Variants in SGCD observed in about 807,000 individuals in gnomAD.
SGCD encodes sarcoglycan delta, also known as delta-sarcoglycan.
A neutral mutation model predicts 36.6 loss-of-function variants in SGCD; 18 were observed. That is an observed-to-expected ratio of 0.49 (90% confidence interval 0.34 to 0.73). SGCD has a LOEUF of 0.73. SGCD is among the 30% of genes least tolerant of loss of function. SGCD has a pLI of 0.01. For missense variants in SGCD, 387 were observed against 346.7 expected, an observed-to-expected ratio of 1.12 and a Z score of -0.92; for synonymous variants, 133 against 130.6, an observed-to-expected ratio of 1.02 and a Z score of -0.12.
At chr5:156,173,075 C>T (rs1327370334) in intron 3 of SGCD, among the ~76,000 whole-genome samples, 1 of 151,650 alleles carries the variant, frequency 6.6e-6, no homozygotes, top group Non-Finnish European at 1.5e-5. Flanking sequence ...ATTTTAGTAG[C>T]CCATTAACTA....
chr5:155,989,000 A>T (rs1758383957), intron 1 of SGCD, among the ~76,000 whole-genome samples: 1 of 152,212 alleles, frequency 6.6e-6, no homozygotes, highest in African/African-American at 2.4e-5. Flanking sequence ...AGATGTAAGA[A>T]TATCAAGTAT....
intron 7 of SGCD, among the ~76,000 whole-genome samples, chr5:156,719,009 C>A (rs1009410836): frequency 3.9e-5 from 6 of 152,048 alleles, no homozygotes; most frequent in Non-Finnish European, 7.4e-5. Context: ...GATGTCACAG[C>A]CCCAGGGCCA....
chr5:156,550,418 G>A (rs1354948482), intron 4 of SGCD, among the ~76,000 whole-genome samples: 9 of 152,324 alleles, frequency 5.9e-5, no homozygotes, highest in African/African-American at 2.2e-4. Context: ...GCGATAAGCT[G>A]TAGGATGGTC....
chr5:156,440,382 G>A (rs984870516), intron 3 of SGCD, among the ~76,000 whole-genome samples: 2 of 152,054 alleles, frequency 1.3e-5, no homozygotes, highest in Non-Finnish European at 2.9e-5. Context: ...GGGCATTTGG[G>A]TTGTTTCTGC....
intron 3 of SGCD, among the ~76,000 whole-genome samples, chr5:156,202,836 T>A (rs1476915113): frequency 6.7e-6 from 1 of 149,410 alleles, no homozygotes; most frequent in Non-Finnish European, 1.5e-5. Context: ...GACAGGGAGG[T>A]ACCCTGTTTC....
At chr5:156,466,049 G>C (rs1217881658) in intron 3 of SGCD, among the ~76,000 whole-genome samples, 1 of 152,128 alleles carries the variant, frequency 6.6e-6, no homozygotes, top group African/African-American at 2.4e-5. Flanking sequence ...TCTCATTTCT[G>C]TGCAGCCTCC....
chr5:156,417,195 C>T (rs1386830441), intron 3 of SGCD, among the ~76,000 whole-genome samples: 1 of 152,190 alleles, frequency 6.6e-6, no homozygotes, highest in Non-Finnish European at 1.5e-5. Flanking sequence ...TTTTTCATCT[C>T]ATTCCCCAAG....
intron 1 of SGCD, among the ~76,000 whole-genome samples, chr5:156,025,351 AG>A (rs905811553): frequency 2.6e-5 from 4 of 152,212 alleles, no homozygotes; most frequent in Admixed American, 2.6e-4. Context: ...ACTAATGACA[AG>A]GGCTGAGAAT....
chr5:156,358,017 A>T (rs1446450989), intron 3 of SGCD, among the ~76,000 whole-genome samples: 1 of 152,240 alleles, frequency 6.6e-6, no homozygotes, highest in Non-Finnish European at 1.5e-5. Flanking sequence ...TCCCTTAGCT[A>T]ATCATCCAGT....
intron 4 of SGCD, among the ~76,000 whole-genome samples, chr5:156,534,095 C>T (rs888682584): frequency 1.3e-5 from 2 of 151,734 alleles, no homozygotes; most frequent in African/African-American, 4.8e-5. Flanking sequence ...TAGGGAATAA[C>T]TAAGAGTTTT....
chr5:156,180,350 A>T (rs896536524), intron 3 of SGCD, among the ~76,000 whole-genome samples: 1 of 152,152 alleles, frequency 6.6e-6, no homozygotes, highest in African/African-American at 2.4e-5. Flanking sequence ...TGTGCTGTTG[A>T]TCATAGCCAG....
chr5:156,407,471 G>A (rs1026919685), intron 3 of SGCD, among the ~76,000 whole-genome samples: 13 of 152,040 alleles, frequency 8.6e-5, no homozygotes, highest in East Asian at 1.9e-4. Flanking sequence ...GGGGATCATC[G>A]TCTCTTCATC....
chr5:156,458,013 C>G (rs1340942601), intron 3 of SGCD, among the ~76,000 whole-genome samples: 3 of 152,134 alleles, frequency 2.0e-5, no homozygotes, highest in Admixed American at 2.0e-4. Context: ...GCCTACAAAC[C>G]ACACTGTGCC....
At chr5:156,597,079 T>A (rs1202117357) in intron 6 of SGCD, among the ~76,000 whole-genome samples, 1 of 152,204 alleles carries the variant, frequency 6.6e-6, no homozygotes, top group East Asian at 1.9e-4. Flanking sequence ...GTCAGTGGTT[T>A]ATGTGTGGCA....
At chr5:156,144,227 A>G (rs1762652866) in intron 3 of SGCD, among the ~76,000 whole-genome samples, 2 of 152,060 alleles carry the variant, frequency 1.3e-5, no homozygotes, top group South Asian at 2.1e-4. Context: ...TAGCAGCATG[A>G]TTTATAATCC....
the SGCD span, among the ~76,000 whole-genome samples, chr5:155,824,776 G>T: frequency 7.2e-5 from 11 of 152,114 alleles, no homozygotes; most frequent in Non-Finnish European, 1.3e-4. Context: ...ACATACACAG[G>T]CTTCGTTGTT....
chr5:156,518,126 A>C lies in SGCD; in HGVS notation c.294+9424A>C, dbSNP rs181060566. Among the ~76,000 whole-genome samples, 3 of 152,352 alleles carry C rather than the reference A, an allele frequency of 2.0e-5. No homozygotes were observed. The East Asian group carries it at 5.8e-4, about 29-fold the overall frequency. On this transcript the variant is annotated intron_variant, in intron 4 of 8. Transcript: ENST00000337851. ...CGTGCAAAGACACACAAAGGCTAAA[A>C]ATAAAGTAATGGAGGAAAATTTACC...
At chr5:156,567,364 G>A (rs1362432881) in intron 4 of SGCD, among the ~76,000 whole-genome samples, 1 of 142,414 alleles carries the variant, frequency 7.0e-6, no homozygotes, top group Non-Finnish European at 1.5e-5. Context: ...AGGGAGGGAG[G>A]GATGGATAGA....
intron 1 of SGCD, among the ~76,000 whole-genome samples, chr5:156,105,069 A>C (rs1761611745): frequency 6.6e-6 from 1 of 152,210 alleles, no homozygotes; most frequent in African/African-American, 2.4e-5. Context: ...TGGGTGCAGC[A>C]TACCAACATG....
Sources: allele counts gnomAD v4.1 joint callset (sites outside exome capture counted in the v4.1 genomes callset), GRCh38; gene constraint gnomAD v4.1.1; transcripts MANE v1.5; gene names NCBI Gene and HGNC (gene_info 2026-07-23, HGNC 2026-07-21).